CAMK1G: variants seen among roughly 807,000 people sequenced by gnomAD.
The protein encoded by CAMK1G is calcium/calmodulin dependent protein kinase IG, also known as calcium/calmodulin-dependent protein kinase type 1G.
In CAMK1G, 27 loss-of-function variants were observed where a neutral mutation model predicts 54.8. The observed-to-expected ratio is 0.49, with a 90% CI of 0.36 to 0.68. The LOEUF is 0.68. CAMK1G is among the 30% of genes least tolerant of loss of function. CAMK1G has a pLI of 0.00. For missense variants in CAMK1G, 512 were observed against 591.0 expected (o/e 0.87, Z 1.39); for synonymous variants, 238 against 224.9 (o/e 1.06, Z -0.52).
rs762540918 is a variant in CAMK1G at position 209,611,975 on chromosome 1, C to T, written c.1099C>T (p.Leu367Phe). 2 of 1,614,284 alleles carry T rather than the reference C, an allele frequency of 1.2e-6. No homozygotes were observed. Among genetic ancestry groups the T allele is most frequent in the East Asian group, 4.5e-5 (2 of 44,882 alleles). Reference sequence around the variant, plus strand: ...ACCTGTCCTGGACCACAGTGTAGCACTCCCTGCCCTGACCCAATTACCCTG... The same window carrying T: ...ACCTGTCCTGGACCACAGTGTAGCATTCCCTGCCCTGACCCAATTACCCTG... ...EAPVLDHSVALPALTQLPCQH... is the reference protein window; with the variant it reads ...EAPVLDHSVAFPALTQLPCQH... The change falls in exon 11 of 13, where the codon CTC (leucine) becomes TTC (phenylalanine). Residue 367 changes from leucine to phenylalanine, a missense_variant. Physicochemically the swap from Leu to Phe is conservative, Grantham distance 22 (BLOSUM62 0). Coordinates refer to ENST00000361322, the MANE Select transcript of CAMK1G (RefSeq NM_020439.3).
intron 9 of CAMK1G, 107 bp downstream of exon 9, chr1:209,610,036 T>A: frequency 2.2e-6 from 2 of 901,008 alleles, no homozygotes; most frequent in South Asian, 1.4e-5. Context: ...CTGATCCATT[T>A]AATGATGTGA....
intron 1 of CAMK1G, among the ~76,000 whole-genome samples, chr1:209,588,056 G>A (rs1665145644): frequency 6.6e-6 from 1 of 152,184 alleles, no homozygotes; most frequent in South Asian, 2.1e-4. Flanking sequence ...CAGTAAAAGA[G>A]CCAGGCATGA....
intron 1 of CAMK1G, among the ~76,000 whole-genome samples, chr1:209,591,616 GCCTTT>G (rs1325296001): frequency 6.6e-6 from 1 of 152,156 alleles, no homozygotes; most frequent in Non-Finnish European, 1.5e-5. Context: ...CCTTGAGATG[GCCTTT>G]CCTCTTCCTG....
intron 1 of CAMK1G, among the ~76,000 whole-genome samples, chr1:209,593,576 AC>A (rs1302877295): frequency 6.6e-6 from 1 of 151,962 alleles, no homozygotes; most frequent in Non-Finnish European, 1.5e-5. Flanking sequence ...CAGTCAGGGC[AC>A]CCCCCAACCA....
intron 9 of CAMK1G, among the ~76,000 whole-genome samples, chr1:209,610,461 T>C (rs2102396315): frequency 6.6e-6 from 1 of 152,322 alleles, no homozygotes; most frequent in South Asian, 2.1e-4. Context: ...GTTTCCCTAA[T>C]ATGGCCTGAC....
intron 6 of CAMK1G, 73 bp from the exon 7 acceptor site, chr1:209,607,785 C>T: frequency 1.6e-6 from 2 of 1,272,728 alleles, no homozygotes; most frequent in Non-Finnish European, 2.2e-6. Flanking sequence ...TTCTCTAAGC[C>T]TGGCCTTCAG....
intron 1 of CAMK1G, among the ~76,000 whole-genome samples, chr1:209,590,311 C>T (rs1305873517): frequency 6.6e-6 from 1 of 152,272 alleles, no homozygotes; most frequent in East Asian, 1.9e-4. Context: ...AGACCTCCAC[C>T]ACACAGGGCA....
intron 1 of CAMK1G, among the ~76,000 whole-genome samples, chr1:209,585,416 C>T (rs1407925924): frequency 1.1e-4 from 17 of 152,294 alleles, no homozygotes. Flanking sequence ...CAGCAACTGC[C>T]ACCAGGAAAG....
intron 1 of CAMK1G, among the ~76,000 whole-genome samples, chr1:209,594,146 T>C (rs906848401): frequency 2.6e-5 from 4 of 152,204 alleles, no homozygotes; most frequent in Non-Finnish European, 5.9e-5. Context: ...CCCTGGACTT[T>C]ATCTAAAGAA....
At chr1:209,605,439 C>T in intron 4 of CAMK1G, 97 bp from the exon 5 acceptor site, 1 of 1,432,508 alleles carries the variant, frequency 7.0e-7, no homozygotes, top group South Asian at 1.3e-5. Context: ...CTGCCTGTTC[C>T]ACTGCAGCTG....
At chr1:209,595,901 C>T (rs1266585690) in intron 2 of CAMK1G, among the ~76,000 whole-genome samples, 1 of 150,396 alleles carries the variant, frequency 6.6e-6, no homozygotes, top group African/African-American at 2.4e-5. Flanking sequence ...TCCTGCCTCT[C>T]CCCTGGGAGG....
intron 2 of CAMK1G, among the ~76,000 whole-genome samples, chr1:209,598,046 G>A (rs76621956): frequency 0.042 from 6,402 of 152,236 alleles, 219 homozygotes; most frequent in East Asian, 0.083. Flanking sequence ...TGGGAATATG[G>A]GAGTTAAGTG....
intron 2 of CAMK1G, among the ~76,000 whole-genome samples, chr1:209,598,427 G>A (rs553160831): frequency 4.6e-5 from 7 of 152,310 alleles, no homozygotes; most frequent in African/African-American, 1.7e-4. Flanking sequence ...CCACTCCAGT[G>A]TGCCATCCTG....
chr1:209,584,814 T>C (rs1313589541), intron 1 of CAMK1G, among the ~76,000 whole-genome samples: 1 of 152,174 alleles, frequency 6.6e-6, no homozygotes, highest in African/African-American at 2.4e-5. Flanking sequence ...TCCCTGTCAT[T>C]CCTGCTGACC....
chr1:209,585,652 C>A (rs978099203), intron 1 of CAMK1G, among the ~76,000 whole-genome samples: 2 of 152,232 alleles, frequency 1.3e-5, no homozygotes, highest in Non-Finnish European at 2.9e-5. Flanking sequence ...TGGTCCAGGG[C>A]AGCGAATACT....
chr1:209,585,609 A>G (rs1194454493), intron 1 of CAMK1G, among the ~76,000 whole-genome samples: 1 of 152,236 alleles, frequency 6.6e-6, no homozygotes, highest in Non-Finnish European at 1.5e-5. Flanking sequence ...TAATGCATGC[A>G]AAGTGCCTAG....
intron 1 of CAMK1G, among the ~76,000 whole-genome samples, chr1:209,594,159 C>A (rs1451549685): frequency 1.3e-5 from 2 of 152,134 alleles, no homozygotes; most frequent in Non-Finnish European, 2.9e-5. Flanking sequence ...CTAAAGAAGA[C>A]CCTCCCTGTT....
rs56898431 is a variant in CAMK1G at position 209,588,354 on chromosome 1, ATGGATTGGATTGGATTGGATTGGAT to A, written c.-30+4623_-30+4647del. Among the ~76,000 whole-genome samples, 811 of 147,198 alleles carry A rather than the reference ATGGATTGGATTGGATTGGATTGGAT, an allele frequency of 5.5e-3. 16 individuals are homozygous for A. The highest frequency in any genetic ancestry group is 0.034 in the Admixed American group (498 of 14,710). ...GTGGATTGGATTAGAGTGGAGCGGA[ATGGATTGGATTGGATTGGATTGGAT>A]TGGATTGGATTGGATTGGATTGGAT... is the stretch of plus-strand genomic sequence containing the variant. On this transcript the variant is annotated intron_variant, in intron 1 of 12. Transcript: ENST00000361322.
At position 209,592,138 on chromosome 1, in the gene CAMK1G, G is replaced by A. The variant is rs544349358; in HGVS notation, c.-29-2817G>A. ...AAGATGGGAGGGTCACTTGAGCCCA[G>A]GAGTTCGAGACCAGCCTGGGCAACA... is the stretch of plus-strand genomic sequence containing the variant. On this transcript the variant is annotated intron_variant, in intron 1 of 12. Coordinates refer to ENST00000361322, the MANE Select transcript of CAMK1G (RefSeq NM_020439.3). 3.1e-4 allele frequency among the ~76,000 whole-genome samples: 47 copies of A among 152,062 alleles called. No homozygotes were observed. The South Asian group carries it at 9.6e-3, about 31-fold the overall frequency.
Sources: gnomAD v4.1 joint callset for allele counts (sites outside exome capture counted in the v4.1 genomes callset) on GRCh38, gnomAD v4.1.1 for gene constraint, MANE v1.5 for transcripts, NCBI Gene and HGNC (gene_info 2026-07-23, HGNC 2026-07-21) for gene names.